The following GNAQ variants were observed in gnomAD, a reference collection of about 807,000 sequenced individuals.
GNAQ encodes guanine nucleotide-binding protein G(q) subunit alpha.
In GNAQ, 8 loss-of-function variants were observed where a neutral mutation model predicts 43.9. The ratio of observed to expected loss-of-function variants is 0.18; its 90% CI spans 0.11 to 0.33. The LOEUF (loss-of-function observed/expected upper bound fraction) is 0.33. GNAQ is among the 10% of genes least tolerant of loss of function. The pLI is 1.00. For missense variants in GNAQ, 158 were observed against 450.8 expected (o/e 0.35, Z 5.88); for synonymous variants, 155 against 170.7 (o/e 0.91, Z 0.71).
chr9:77,903,507 C>G (rs1828646328), intron 2 of GNAQ, among the ~76,000 whole-genome samples: 1 of 152,178 alleles, frequency 6.6e-6, no homozygotes, highest in Admixed American at 6.5e-5. Flanking sequence ...TGGGAACAGA[C>G]AGCCCAGTAA....
At chr9:77,769,494 C>G (rs565003253) in intron 5 of GNAQ, among the ~76,000 whole-genome samples, 70 of 151,978 alleles carry the variant, frequency 4.6e-4, no homozygotes, top group Non-Finnish European at 5.6e-4. Flanking sequence ...ACTGCAAACT[C>G]CATTCAATAT....
chr9:77,825,769 T>TA (rs1467093690), intron 2 of GNAQ, among the ~76,000 whole-genome samples: 3 of 151,942 alleles, frequency 2.0e-5, no homozygotes, highest in African/African-American at 4.8e-5. Context: ...ATTAAAAAAA[T>TA]AAAAAAACTG....
intron 1 of GNAQ, among the ~76,000 whole-genome samples, chr9:78,014,319 A>G (rs1441021280): frequency 6.6e-6 from 1 of 152,184 alleles, no homozygotes; most frequent in African/African-American, 2.4e-5. Context: ...ACTCAGGCTG[A>G]GGTTTAAAAA....
chr9:77,911,904 A>G (rs1457983695), intron 2 of GNAQ, among the ~76,000 whole-genome samples: 1 of 152,238 alleles, frequency 6.6e-6, no homozygotes, highest in Non-Finnish European at 1.5e-5. Flanking sequence ...ACTAGGAAAA[A>G]TAAAAGTCCT....
intron 1 of GNAQ, 116 bp downstream of exon 1, chr9:78,030,984 G>A (rs1346257313): frequency 1.0e-5 from 7 of 695,668 alleles, no homozygotes; most frequent in African/African-American, 5.7e-5. Flanking sequence ...CGCCCGGGAG[G>A]GTAGGGGCGA....
chr9:77,982,897 T>C (rs1274391321), intron 1 of GNAQ, among the ~76,000 whole-genome samples: 3 of 152,076 alleles, frequency 2.0e-5, no homozygotes, highest in African/African-American at 2.4e-5. Flanking sequence ...TGTATACATA[T>C]GTAACAAAAA....
chr9:77,848,955 A>G (rs1471320474), intron 2 of GNAQ, among the ~76,000 whole-genome samples: 1 of 152,248 alleles, frequency 6.6e-6, no homozygotes, highest in Non-Finnish European at 1.5e-5. Flanking sequence ...AAAGGAAAAA[A>G]GGACAAATGT....
chr9:77,934,911 G>T (rs754111370), intron 1 of GNAQ, among the ~76,000 whole-genome samples: 21 of 152,130 alleles, frequency 1.4e-4, no homozygotes, highest in African/African-American at 5.1e-4. Flanking sequence ...TGGATCATGA[G>T]GTCAAGAGTT....
At chr9:77,731,604 T>A (rs10869960) in intron 5 of GNAQ, among the ~76,000 whole-genome samples, 5 of 152,098 alleles carry the variant, frequency 3.3e-5, no homozygotes, top group Non-Finnish European at 7.4e-5. Context: ...TCCAGGAATC[T>A]GCTTCTTACA....
chr9:77,920,462 A>G (rs1323855933), intron 2 of GNAQ, among the ~76,000 whole-genome samples: 1 of 152,206 alleles, frequency 6.6e-6, no homozygotes, highest in Non-Finnish European at 1.5e-5. Flanking sequence ...TCATCATATT[A>G]TTAACTGACC....
chr9:77,941,907 TACACACACAC>T (rs10560776), intron 1 of GNAQ, among the ~76,000 whole-genome samples: 103 of 141,100 alleles, frequency 7.3e-4, no homozygotes, highest in Middle Eastern at 3.6e-3. Context: ...ACAACATACA[TACACACACAC>T]ACACACACAC....
chr9:77,787,072 A>T (rs949377568), intron 5 of GNAQ, among the ~76,000 whole-genome samples: 20 of 152,372 alleles, frequency 1.3e-4, no homozygotes, highest in African/African-American at 4.6e-4. Context: ...ATCTAGACAC[A>T]AAAGAAAATA....
chr9:77,971,425 T>G (rs1428822459), intron 1 of GNAQ, among the ~76,000 whole-genome samples: 1 of 152,176 alleles, frequency 6.6e-6, no homozygotes, highest in Non-Finnish European at 1.5e-5. Flanking sequence ...AAAAAGCTTA[T>G]CTACCACAAT....
At chr9:77,821,240 T>C (rs955336802) in intron 2 of GNAQ, among the ~76,000 whole-genome samples, 2 of 152,180 alleles carry the variant, frequency 1.3e-5, no homozygotes, top group African/African-American at 4.8e-5. Flanking sequence ...ATACTGTCTT[T>C]CCCAAAAAAC....
chr9:77,803,457 T>A (rs1272190914), intron 3 of GNAQ, among the ~76,000 whole-genome samples: 1 of 152,202 alleles, frequency 6.6e-6, no homozygotes, highest in African/African-American at 2.4e-5. Context: ...TCTGACACAA[T>A]CTTCTTGATG....
intron 2 of GNAQ, among the ~76,000 whole-genome samples, chr9:77,869,530 T>C (rs901791461): frequency 1.3e-5 from 2 of 152,202 alleles, no homozygotes; most frequent in African/African-American, 4.8e-5. Context: ...AACAACCATA[T>C]TTGCTATATA....
In GNAQ at chr9:77,803,355, G is replaced by T. The variant is rs184809597; in HGVS notation, c.477-5707C>A. Among the ~76,000 whole-genome samples the T allele has an allele frequency of 3.9e-3, 598 of 152,262 alleles. 8 individuals are homozygous for T. Among genetic ancestry groups the T allele is most frequent in the Non-Finnish European group, 4.4e-3 (302 of 68,018 alleles). ...GGCTAGAGAATGACAAAATGTTTAT[G>T]TCCATTTTATACCTGTTTCAAGCTT... On this transcript the variant is annotated intron_variant, in intron 3 of 6. Transcript: ENST00000286548.
chr9:77,743,171 T>C (rs1181120733), intron 5 of GNAQ, among the ~76,000 whole-genome samples: 7 of 152,088 alleles, frequency 4.6e-5, no homozygotes, highest in African/African-American at 7.2e-5. Flanking sequence ...GGCAGGAGAA[T>C]AGCTTGAACC....
At chr9:77,944,611 T>A (rs1564159252) in intron 1 of GNAQ, among the ~76,000 whole-genome samples, 1 of 152,190 alleles carries the variant, frequency 6.6e-6, no homozygotes, top group African/African-American at 2.4e-5. Flanking sequence ...TGAACCACCA[T>A]TTCTTCCACT....
Sources: allele counts gnomAD v4.1 joint callset (sites outside exome capture counted in the v4.1 genomes callset), GRCh38; gene constraint gnomAD v4.1.1; transcripts MANE v1.5; gene names NCBI Gene and HGNC (gene_info 2026-07-23, HGNC 2026-07-21).